JAZF1: variants seen among roughly 807,000 people sequenced by gnomAD.
JAZF1 encodes JAZF zinc finger 1.
JAZF1 carries 8 observed loss-of-function variants against 26.4 expected under a neutral mutation model. That is an observed-to-expected ratio of 0.30 (90% CI 0.18 to 0.55). The LOEUF (loss-of-function observed/expected upper bound fraction) is 0.55. Among genes scored for constraint, JAZF1 ranks in the 20% least tolerant of loss-of-function variants. The pLI, the probability that JAZF1 is intolerant of heterozygous loss-of-function variation, is 0.94. For synonymous variants in JAZF1, 126 were observed against 122.3 expected, an observed-to-expected ratio of 1.03 and a Z score of -0.20; for missense variants, 199 against 322.0, an observed-to-expected ratio of 0.62 and a Z score of 2.92.
intron 1 of JAZF1, among the ~76,000 whole-genome samples, chr7:28,165,273 A>G (rs1353466569): frequency 6.6e-6 from 1 of 152,204 alleles, no homozygotes; most frequent in African/African-American, 2.4e-5. Context: ...GAGTTACATT[A>G]GCCAAAAATT....
intron 1 of JAZF1, among the ~76,000 whole-genome samples, chr7:28,153,560 T>C (rs1016453057): frequency 1.3e-5 from 2 of 152,158 alleles, no homozygotes; most frequent in African/African-American, 4.8e-5. Flanking sequence ...ACCTATCCCA[T>C]AGCCATCTCC....
intron 2 of JAZF1, among the ~76,000 whole-genome samples, chr7:27,948,344 T>C (rs1475014418): frequency 1.3e-5 from 2 of 152,116 alleles, no homozygotes; most frequent in African/African-American, 2.4e-5. Context: ...TTTGGTAAAA[T>C]TTATACAGAG....
intron 1 of JAZF1, among the ~76,000 whole-genome samples, chr7:28,024,432 G>T (rs1325816697): frequency 6.6e-6 from 1 of 152,172 alleles, no homozygotes; most frequent in Non-Finnish European, 1.5e-5. Flanking sequence ...GGTGGAGAAA[G>T]GAGGATTTTG....
intron 2 of JAZF1, among the ~76,000 whole-genome samples, chr7:27,915,646 G>A (rs1025215326): frequency 1.3e-5 from 2 of 152,124 alleles, no homozygotes; most frequent in African/African-American, 4.8e-5. Flanking sequence ...CATTTAGGTT[G>A]AAACATTTGA....
chr7:27,916,005 T>C (rs1238276595), intron 2 of JAZF1, among the ~76,000 whole-genome samples: 10 of 152,148 alleles, frequency 6.6e-5, no homozygotes, highest in Non-Finnish European at 7.3e-5. Context: ...CCCTGTACTT[T>C]GCTTGTTCCT....
At chr7:28,107,567 A>G (rs1376239219) in intron 1 of JAZF1, among the ~76,000 whole-genome samples, 6 of 152,212 alleles carry the variant, frequency 3.9e-5, no homozygotes, top group Non-Finnish European at 8.8e-5. Context: ...GCCAAAAATT[A>G]CACTGTAGCT....
At chr7:28,130,064 T>C (rs1782765661) in intron 1 of JAZF1, among the ~76,000 whole-genome samples, 1 of 152,296 alleles carries the variant, frequency 6.6e-6, no homozygotes, top group South Asian at 2.1e-4. Flanking sequence ...TTATGTCACT[T>C]GTACAAGTAT....
intron 2 of JAZF1, among the ~76,000 whole-genome samples, chr7:27,909,856 T>C (rs1461833424): frequency 2.0e-5 from 3 of 152,232 alleles, no homozygotes; most frequent in African/African-American, 7.2e-5. Flanking sequence ...TGTGTTCACA[T>C]AATCACTTAA....
intron 3 of JAZF1, among the ~76,000 whole-genome samples, chr7:27,877,656 T>C (rs1783702435): frequency 6.6e-6 from 1 of 152,232 alleles, no homozygotes. Context: ...CCGAGTCTCA[T>C]ATCCAAATGC....
intron 1 of JAZF1, among the ~76,000 whole-genome samples, chr7:28,082,748 A>T (rs192909492): frequency 4.6e-5 from 7 of 152,006 alleles, no homozygotes. Context: ...CTGTGCATCC[A>T]CCTGCTGAAC....
chr7:27,987,478 G>A (rs925043635), intron 2 of JAZF1, among the ~76,000 whole-genome samples: 8 of 152,238 alleles, frequency 5.3e-5, no homozygotes, highest in Admixed American at 5.2e-4. Context: ...CGTCCAGGAG[G>A]TTGGGGGCAG....
chr7:27,994,120 T>C (rs1470266435), intron 1 of JAZF1, among the ~76,000 whole-genome samples: 2 of 152,216 alleles, frequency 1.3e-5, no homozygotes, highest in African/African-American at 2.4e-5. Flanking sequence ...AAGATACATT[T>C]ATATTATCCT....
chr7:27,966,541 A>C (rs1240373186), intron 2 of JAZF1, among the ~76,000 whole-genome samples: 1 of 152,150 alleles, frequency 6.6e-6, no homozygotes, highest in Non-Finnish European at 1.5e-5. Context: ...AGGGAAGGGC[A>C]CTGATGGTGT....
At position 28,122,530 on chromosome 7, in the gene JAZF1, C is replaced by G. The variant is rs75019032; in HGVS notation, c.115+57933G>C. Reference sequence around the variant, plus strand: ...AGCAACTAGGGTGAGGCTGGGGCACCAAGCAGGATTTAAGGGGTTCTCCAG... The same window carrying G: ...AGCAACTAGGGTGAGGCTGGGGCACGAAGCAGGATTTAAGGGGTTCTCCAG... On this transcript the variant is annotated intron_variant, in intron 1 of 4. Coordinates refer to ENST00000283928, the MANE Select transcript of JAZF1 (RefSeq NM_175061.4). Among the ~76,000 whole-genome samples the G allele has an allele frequency of 6.1e-3, 928 of 152,174 alleles. 5 individuals are homozygous for G. Among genetic ancestry groups the G allele is most frequent in the South Asian group, 0.012 (60 of 4,826 alleles).
In JAZF1 at chr7:27,946,398, T is replaced by C. The variant is rs1402574564; in HGVS notation, c.188+45511A>G. The stretch of plus-strand genomic sequence containing the variant: ...CGCAATCTGAAGGCACTTTGAAATC[T>C]TGTAGTGTCTCATATTTAGCACCAG... On this transcript the variant is annotated intron_variant, in intron 2 of 4. Coordinates refer to ENST00000283928, the MANE Select transcript of JAZF1 (RefSeq NM_175061.4). Among the ~76,000 whole-genome samples the C allele has an allele frequency of 5.3e-5, 8 of 152,342 alleles. No individual in the cohort carries two copies. In the South Asian group the frequency reaches 1.4e-3, roughly 28 times the overall value.
rs1266672536 is a variant in JAZF1 at position 27,830,650 on chromosome 7, T to TTTGA, written c.*2146_*2149dup. The TTTGA allele has an allele frequency of 5.4e-6, 1 of 185,124 alleles. No homozygotes were observed. The highest frequency in any genetic ancestry group is 1.1e-5 in the Non-Finnish European group (1 of 87,148). 11.5% of individuals were successfully genotyped at this position (185,124 alleles called of 1,614,324 possible). Reference sequence around the variant, plus strand: ...ATAAGCAGCTTTTCTTGACAGGAATTTTGATTAAATTGCCTTCAGTTCTAA... The same window carrying TTTGA: ...ATAAGCAGCTTTTCTTGACAGGAATTTTGATTGATTAAATTGCCTTCAGTTCTAA... On this transcript the variant is annotated 3_prime_UTR_variant, in exon 5 of 5. Transcript: ENST00000283928.
At chr7:28,143,719 A>T (rs1782988956) in intron 1 of JAZF1, among the ~76,000 whole-genome samples, 1 of 152,232 alleles carries the variant, frequency 6.6e-6, no homozygotes, top group Non-Finnish European at 1.5e-5. Context: ...TACTATCCAT[A>T]AAAGGAATTT....
intron 2 of JAZF1, among the ~76,000 whole-genome samples, chr7:27,936,543 AGTCTC>A (rs1431301925): frequency 6.6e-6 from 1 of 152,230 alleles, no homozygotes; most frequent in Non-Finnish European, 1.5e-5. Flanking sequence ...ACATCTATGC[AGTCTC>A]TCTAAGGTAA....
At chr7:27,883,097 T>C (rs1230719951) in intron 3 of JAZF1, among the ~76,000 whole-genome samples, 7 of 152,246 alleles carry the variant, frequency 4.6e-5, no homozygotes, top group Admixed American at 3.3e-4. Flanking sequence ...GATGTTGGCA[T>C]ATGAGTGAGC....
Sources: allele counts gnomAD v4.1 joint callset (sites outside exome capture counted in the v4.1 genomes callset), GRCh38; gene constraint gnomAD v4.1.1; transcripts MANE v1.5; gene names NCBI Gene and HGNC (gene_info 2026-07-23, HGNC 2026-07-21).